PLLP: variants seen among roughly 807,000 people sequenced by gnomAD.
PLLP encodes the protein plasma membrane proteolipid (plasmolipin).
A neutral mutation model predicts 19.7 loss-of-function variants in PLLP; 15 were observed. The observed-to-expected ratio is 0.76, with a 90% CI of 0.51 to 1.17. The LOEUF is 1.17. Among genes scored for constraint, PLLP ranks in the 50% most tolerant of loss-of-function variants. The pLI is 0.00. For missense variants in PLLP, 255 were observed against 258.3 expected (o/e 0.99, Z 0.09); for synonymous variants, 111 against 116.3 (o/e 0.95, Z 0.29).
intron 1 of PLLP, among the ~76,000 whole-genome samples, chr16:57,277,780 G>A (rs1901171769): frequency 6.6e-6 from 1 of 152,120 alleles, no homozygotes; most frequent in Non-Finnish European, 1.5e-5. Flanking sequence ...GTAGAAATAT[G>A]CATCCACTCA....
At chr16:57,271,144 C>CA (rs2075473789) in intron 1 of PLLP, among the ~76,000 whole-genome samples, 1 of 152,140 alleles carries the variant, frequency 6.6e-6, no homozygotes, top group South Asian at 2.1e-4. Context: ...TCCTGGGTCT[C>CA]AGAGCAGAGA....
At chr16:57,277,312 G>C (rs192282393) in intron 1 of PLLP, among the ~76,000 whole-genome samples, 1 of 152,190 alleles carries the variant, frequency 6.6e-6, no homozygotes, top group East Asian at 1.9e-4. Flanking sequence ...ATTAGGGGCC[G>C]GGTGCGGTGG....
chr16:57,274,361 T>C (rs1031006728), intron 1 of PLLP, among the ~76,000 whole-genome samples: 32 of 152,322 alleles, frequency 2.1e-4, no homozygotes, highest in African/African-American at 7.5e-4. Context: ...AAAGATGTAA[T>C]ATATATGACA....
At chr16:57,264,810 C>T (rs2075452202) in intron 1 of PLLP, among the ~76,000 whole-genome samples, 1 of 152,178 alleles carries the variant, frequency 6.6e-6, no homozygotes, top group Non-Finnish European at 1.5e-5. Context: ...GACTGTGCCA[C>T]TGTACTCCAG....
intron 1 of PLLP, among the ~76,000 whole-genome samples, chr16:57,283,854 G>A (rs1235152447): frequency 2.6e-5 from 4 of 152,194 alleles, no homozygotes; most frequent in Non-Finnish European, 5.9e-5. Context: ...GAGTGTGCGT[G>A]TTGGGGAGTC....
chr16:57,268,774 C>T (rs2075465421), intron 1 of PLLP, among the ~76,000 whole-genome samples: 1 of 152,196 alleles, frequency 6.6e-6, no homozygotes, highest in South Asian at 2.1e-4. Context: ...GAACTTAGAC[C>T]AGCAACCAGC....
At chr16:57,266,801 TC>T (rs2075458639) in intron 1 of PLLP, among the ~76,000 whole-genome samples, 1 of 140,576 alleles carries the variant, frequency 7.1e-6, no homozygotes, top group South Asian at 2.3e-4. Flanking sequence ...CTGCCATGCC[TC>T]CCCAGACAGG....
At chr16:57,274,691 G>A (rs956712926) in intron 1 of PLLP, among the ~76,000 whole-genome samples, 14 of 151,838 alleles carry the variant, frequency 9.2e-5, no homozygotes, top group African/African-American at 2.4e-4. Context: ...GACCTCAGGC[G>A]ATCTGCCTGC....
In PLLP at chr16:57,261,981, G is replaced by A. The variant is rs759789718; in HGVS notation, c.225C>T (p.Phe75=). ...AGAGGACGATTGTCACCAGCCAGAG[G>A]AAGACAGCGACGAACATCACCCAGC... is the stretch of plus-strand genomic sequence containing the variant. ...AYGWVMFVAV[F]LWLVTIVLFN... is the part of the protein sequence containing the mutation. The change falls in exon 2 of 4, where the codon TTC becomes TTT. Residue 75 remains phenylalanine (F), a synonymous_variant. Coordinates refer to ENST00000219207, the MANE Select transcript of PLLP (RefSeq NM_015993.3). 8.7e-5 allele frequency: 140 copies of A among 1,614,004 alleles called. No individual in the cohort carries two copies. In the Middle Eastern group the frequency reaches 4.3e-3, roughly 49 times the overall value.
chr16:57,271,377 C>T (rs557666887), intron 1 of PLLP, among the ~76,000 whole-genome samples: 1 of 152,196 alleles, frequency 6.6e-6, no homozygotes, highest in East Asian at 1.9e-4. Context: ...GGCACGATGG[C>T]TCACACCTGT....
chr16:57,261,843 G>C (rs1180721100), intron 2 of PLLP, 54 bp downstream of exon 2: 23 of 1,534,006 alleles, frequency 1.5e-5, no homozygotes, highest in Non-Finnish European at 2.1e-5. Flanking sequence ...TTCTTCTAGG[G>C]AAAGTCACAG....
chr16:57,270,707 C>T (rs1010399921), intron 1 of PLLP, among the ~76,000 whole-genome samples: 2 of 152,052 alleles, frequency 1.3e-5, no homozygotes, highest in Non-Finnish European at 2.9e-5. Context: ...CACACCACCC[C>T]CTGACTGTGT....
chr16:57,258,661 C>T (rs2075433299), intron 2 of PLLP, 77 bp from the exon 3 acceptor site: 1 of 1,443,330 alleles, frequency 6.9e-7, no homozygotes, highest in Non-Finnish European at 9.6e-7. Context: ...GTGGTTCACA[C>T]CTGTAATCCC....
At chr16:57,283,191 G>A (rs1298902685) in intron 1 of PLLP, among the ~76,000 whole-genome samples, 1 of 152,080 alleles carries the variant, frequency 6.6e-6, no homozygotes, top group Non-Finnish European at 1.5e-5. Flanking sequence ...AATTCCGATT[G>A]CACATTTTTT....
chr16:57,269,835 G>A (rs549054348), intron 1 of PLLP, among the ~76,000 whole-genome samples: 4 of 152,062 alleles, frequency 2.6e-5, no homozygotes, highest in Non-Finnish European at 4.4e-5. Context: ...GCGCAATCTC[G>A]GCTCACTGCA....
At chr16:57,267,377 G>T (rs1440925720) in intron 1 of PLLP, among the ~76,000 whole-genome samples, 1 of 151,984 alleles carries the variant, frequency 6.6e-6, no homozygotes, top group Admixed American at 6.6e-5. Flanking sequence ...AGACCAGCTT[G>T]GCCAATATGG....
intron 1 of PLLP, among the ~76,000 whole-genome samples, chr16:57,278,958 C>G (rs1365495703): frequency 6.6e-6 from 1 of 152,168 alleles, no homozygotes; most frequent in Non-Finnish European, 1.5e-5. Context: ...TTCCAACACT[C>G]CCAAGTGCCC....
chr16:57,263,692 G>T, intron 1 of PLLP, among the ~76,000 whole-genome samples: 1 of 137,844 alleles, frequency 7.3e-6, no homozygotes, highest in South Asian at 2.3e-4. Context: ...CACCTCGGAT[G>T]TGGCCATCCT....
chr16:57,274,951 C>T (rs1381837401), intron 1 of PLLP, among the ~76,000 whole-genome samples: 4 of 151,692 alleles, frequency 2.6e-5, no homozygotes, highest in African/African-American at 9.7e-5. Flanking sequence ...TTAGTAGAGA[C>T]GGGGTTTCAC....
Sources: allele counts gnomAD v4.1 joint callset (sites outside exome capture counted in the v4.1 genomes callset), GRCh38; gene constraint gnomAD v4.1.1; transcripts MANE v1.5; gene names NCBI Gene and HGNC (gene_info 2026-07-23, HGNC 2026-07-21).